Variants in SEMA3C observed in about 807,000 individuals in gnomAD.
SEMA3C encodes semaphorin-3C.
Under a neutral mutation model 89.4 loss-of-function variants are expected in SEMA3C, and 47 were observed. The ratio of observed to expected loss-of-function variants is 0.53; its 90% CI spans 0.42 to 0.67. The LOEUF (loss-of-function observed/expected upper bound fraction) is 0.67. Among genes scored for constraint, SEMA3C ranks in the 30% least tolerant of loss-of-function variants. The pLI is 0.00. For missense variants in SEMA3C, 839 were observed against 929.1 expected, an observed-to-expected ratio of 0.90 and a Z score of 1.26; for synonymous variants, 310 against 320.2, an observed-to-expected ratio of 0.97 and a Z score of 0.34.
intron 12 of SEMA3C, among the ~76,000 whole-genome samples, chr7:80,784,254 T>A (rs1197702145): frequency 6.7e-6 from 1 of 150,088 alleles, no homozygotes; most frequent in African/African-American, 2.5e-5. Context: ...TGCTGTTTTA[T>A]AGCCCTTCCT....
chr7:80,882,412 CTTTTTTTTTT>C (rs763742493), intron 2 of SEMA3C, among the ~76,000 whole-genome samples: 4 of 46,652 alleles, frequency 8.6e-5, no homozygotes, highest in African/African-American at 1.9e-4. Context: ...GTAAGGGATG[CTTTTTTTTTT>C]TTTTTTTTTT....
In SEMA3C at chr7:80,900,145, G is replaced by A. The variant is rs751487517; in HGVS notation, c.103+16534C>T. ...TTTTTTTTCTTTGAGACGGAGTCTC[G>A]CTCTGTTGCCCAGGCTGGAGTGCAG... On this transcript the variant is annotated intron_variant, in intron 2 of 17. Coordinates refer to ENST00000265361, the MANE Select transcript of SEMA3C (RefSeq NM_006379.5). Among the ~76,000 whole-genome samples the A allele has an allele frequency of 4.7e-5, 7 of 150,472 alleles. 1 individual carries two copies. Among genetic ancestry groups the A allele is most frequent in the African/African-American group, 9.8e-5 (4 of 40,872 alleles).
chr7:80,821,506 G>A (rs368056668), intron 4 of SEMA3C, among the ~76,000 whole-genome samples: 14 of 151,378 alleles, frequency 9.2e-5, no homozygotes, highest in African/African-American at 2.7e-4. Context: ...TGCAACCTCC[G>A]CTTCCCGGGT....
chr7:80,763,038 G>GCA (rs927104593), intron 13 of SEMA3C, among the ~76,000 whole-genome samples: 7 of 151,896 alleles, frequency 4.6e-5, no homozygotes, highest in Non-Finnish European at 1.0e-4. Context: ...ACACACACAT[G>GCA]CACACACACA....
At chr7:80,913,729 A>G (rs1381729367) in intron 2 of SEMA3C, among the ~76,000 whole-genome samples, 2 of 152,236 alleles carry the variant, frequency 1.3e-5, no homozygotes, top group East Asian at 3.9e-4. Flanking sequence ...AATTAATAAC[A>G]TCTGAAGTAC....
At chr7:80,767,102 G>T (rs1009676300) in intron 12 of SEMA3C, among the ~76,000 whole-genome samples, 2 of 152,090 alleles carry the variant, frequency 1.3e-5, no homozygotes, top group Non-Finnish European at 2.9e-5. Flanking sequence ...TTCCATTCCT[G>T]CTCTAAAGCT....
chr7:80,754,957 G>GTTTTTTTTT (rs1368382376), intron 15 of SEMA3C, among the ~76,000 whole-genome samples: 3 of 108,358 alleles, frequency 2.8e-5, no homozygotes, highest in Non-Finnish European at 3.7e-5. Context: ...GTTTTTTTTT[G>GTTTTTTTTT]TTTTTTTTTT....
intron 2 of SEMA3C, among the ~76,000 whole-genome samples, chr7:80,899,441 T>C (rs1437580848): frequency 1.3e-5 from 2 of 152,244 alleles, no homozygotes; most frequent in Non-Finnish European, 2.9e-5. Context: ...GTTAGAAAGA[T>C]ATGATATACA....
At chr7:80,829,148 C>G (rs1013806442) in intron 2 of SEMA3C, among the ~76,000 whole-genome samples, 3 of 151,758 alleles carry the variant, frequency 2.0e-5, no homozygotes, top group Non-Finnish European at 4.4e-5. Context: ...GCTCTGGCAA[C>G]AGAACGAGAC....
At chr7:80,869,822 T>A (rs1195727260) in intron 2 of SEMA3C, among the ~76,000 whole-genome samples, 1 of 152,162 alleles carries the variant, frequency 6.6e-6, no homozygotes. Flanking sequence ...CAAAAAGGGC[T>A]GGGTGTCTTA....
chr7:80,907,998 T>C (rs2116226436), intron 2 of SEMA3C, among the ~76,000 whole-genome samples: 1 of 152,208 alleles, frequency 6.6e-6, no homozygotes, highest in East Asian at 1.9e-4. Context: ...TGTAACGAAA[T>C]TCAATAGAAA....
intron 12 of SEMA3C, among the ~76,000 whole-genome samples, chr7:80,780,137 T>C (rs1788659285): frequency 6.6e-6 from 1 of 152,224 alleles, no homozygotes; most frequent in Non-Finnish European, 1.5e-5. Context: ...ACAAATTTTG[T>C]GGTAACTTGT....
intron 2 of SEMA3C, among the ~76,000 whole-genome samples, chr7:80,867,031 C>A (rs966281328): frequency 2.6e-5 from 4 of 152,102 alleles, no homozygotes; most frequent in Admixed American, 1.3e-4. Flanking sequence ...GGAAGAGTTT[C>A]GATTGCACTG....
intron 2 of SEMA3C, among the ~76,000 whole-genome samples, chr7:80,847,810 C>T (rs2115919142): frequency 6.6e-6 from 1 of 152,284 alleles, no homozygotes; most frequent in Non-Finnish European, 1.5e-5. Context: ...GGGGGCACAA[C>T]AACAACCTTG....
At chr7:80,859,459 A>G (rs1450296939) in intron 2 of SEMA3C, among the ~76,000 whole-genome samples, 2 of 152,148 alleles carry the variant, frequency 1.3e-5, no homozygotes, top group Non-Finnish European at 2.9e-5. Context: ...AAAGATTTCT[A>G]CCAAGTGTCA....
intron 2 of SEMA3C, among the ~76,000 whole-genome samples, chr7:80,898,534 T>A (rs1292665905): frequency 6.6e-6 from 1 of 152,102 alleles, no homozygotes; most frequent in East Asian, 1.9e-4. Flanking sequence ...TATAAAAATA[T>A]GCATGTGTCA....
At chr7:80,857,739 G>T (rs1484868529) in intron 2 of SEMA3C, among the ~76,000 whole-genome samples, 1 of 152,152 alleles carries the variant, frequency 6.6e-6, no homozygotes. Flanking sequence ...AAAATAGTTT[G>T]ATCATATTAG....
chr7:80,827,533 A>G, intron 3 of SEMA3C, 46 bp from the exon 4 acceptor site: 2 of 1,493,278 alleles, frequency 1.3e-6, no homozygotes, highest in Non-Finnish European at 1.8e-6. Context: ...ACCTGGACAT[A>G]TGACAGCCCA....
chr7:80,754,595 A>C (rs1788012992), intron 15 of SEMA3C, among the ~76,000 whole-genome samples: 1 of 152,226 alleles, frequency 6.6e-6, no homozygotes, highest in Non-Finnish European at 1.5e-5. Flanking sequence ...ATACTTGCTT[A>C]ACTAAGTTAG....
Sources: allele counts gnomAD v4.1 joint callset (sites outside exome capture counted in the v4.1 genomes callset), GRCh38; gene constraint gnomAD v4.1.1; transcripts MANE v1.5; gene names NCBI Gene and HGNC (gene_info 2026-07-23, HGNC 2026-07-21).